SH3BP5: variants seen among roughly 807,000 people sequenced by gnomAD.
The protein encoded by SH3BP5 is SH3 domain-binding protein 5.
In SH3BP5, 22 loss-of-function variants were observed where a neutral mutation model predicts 43.3. The ratio of observed to expected loss-of-function variants is 0.51; its 90% CI spans 0.36 to 0.73. The LOEUF is 0.73. Among genes scored for constraint, SH3BP5 ranks in the 30% least tolerant of loss-of-function variants. SH3BP5 has a pLI of 0.00. For missense variants in SH3BP5, 529 were observed against 586.9 expected (o/e 0.90, Z 1.02); for synonymous variants, 255 against 225.8 (o/e 1.13, Z -1.16).
intron 2 of SH3BP5, among the ~76,000 whole-genome samples, chr3:15,323,632 C>T (rs76046201): frequency 0.14 from 21,533 of 152,136 alleles, 1,781 homozygotes; most frequent in East Asian, 0.32. Flanking sequence ...CCCTAGAAGT[C>T]AGCAGACCTC....
intron 2 of SH3BP5, among the ~76,000 whole-genome samples, chr3:15,328,514 G>A (rs896593710): frequency 6.6e-6 from 1 of 152,082 alleles, no homozygotes; most frequent in Non-Finnish European, 1.5e-5. Context: ...GGATCACTTT[G>A]AGGCCTGGAG....
At chr3:15,271,058 A>G (rs1559431657) in intron 3 of SH3BP5, among the ~76,000 whole-genome samples, 2 of 151,608 alleles carry the variant, frequency 1.3e-5, no homozygotes, top group South Asian at 4.1e-4. Flanking sequence ...TATTTTGGAT[A>G]TATTAAATTA....
At chr3:15,334,750 A>G (rs1698681440), upstream of SH3BP5, among the ~76,000 whole-genome samples, 1 of 152,050 alleles carries the variant, frequency 6.6e-6, no homozygotes, top group Non-Finnish European at 1.5e-5. Flanking sequence ...CAGGAGTTCA[A>G]GACCAGCCTG....
intron 4 of SH3BP5, among the ~76,000 whole-genome samples, chr3:15,268,684 A>G (rs1696710805): frequency 6.6e-6 from 1 of 152,190 alleles, no homozygotes; most frequent in South Asian, 2.1e-4. Flanking sequence ...GGGGTAACCA[A>G]GTACTGCTGA....
At chr3:15,333,826 A>G (rs1276734859), upstream of SH3BP5, among the ~76,000 whole-genome samples, 3 of 152,204 alleles carry the variant, frequency 2.0e-5, no homozygotes, top group South Asian at 2.1e-4. Context: ...TGCTCTTTAA[A>G]TCAAGGATGA....
At chr3:15,283,025 TAAAAGAATAGGG>T (rs2125083327) in intron 3 of SH3BP5, among the ~76,000 whole-genome samples, 1 of 152,296 alleles carries the variant, frequency 6.6e-6, no homozygotes, top group South Asian at 2.1e-4. Flanking sequence ...AAACGCTTAC[TAAAAGAATAGGG>T]AAAACCAAAA....
intron 2 of SH3BP5, among the ~76,000 whole-genome samples, chr3:15,326,856 A>C (rs1698475363): frequency 1.3e-5 from 2 of 152,220 alleles, no homozygotes. Context: ...TGGCTTACAG[A>C]GCAAATACAT....
intron 2 of SH3BP5, among the ~76,000 whole-genome samples, chr3:15,309,910 C>CG (rs1431951094): frequency 1.3e-5 from 2 of 150,494 alleles, no homozygotes; most frequent in African/African-American, 5.0e-5. Flanking sequence ...CGCTCCACCC[C>CG]CCCCCCATAA....
chr3:15,275,095 T>A (rs1696926451), intron 3 of SH3BP5, among the ~76,000 whole-genome samples: 1 of 152,056 alleles, frequency 6.6e-6, no homozygotes, highest in African/African-American at 2.4e-5. Flanking sequence ...CATGAGGAGA[T>A]CAGTGCCCTT....
At chr3:15,256,426 A>G (rs923853067) in intron 8 of SH3BP5, 123 bp from the exon 9 acceptor site, 5 of 1,021,498 alleles carry the variant, frequency 4.9e-6, no homozygotes, top group Admixed American at 2.0e-5. Flanking sequence ...CAAACCAGTC[A>G]GCTAACTCAG....
intron 2 of SH3BP5, among the ~76,000 whole-genome samples, chr3:15,327,605 A>G (rs989777397): frequency 1.3e-5 from 2 of 152,118 alleles, no homozygotes; most frequent in East Asian, 1.9e-4. Flanking sequence ...TACTGTAGCT[A>G]TTACCACCAG....
chr3:15,272,345 A>G (rs377038457), intron 3 of SH3BP5, among the ~76,000 whole-genome samples: 8 of 152,212 alleles, frequency 5.3e-5, no homozygotes, highest in African/African-American at 1.7e-4. Context: ...ACAACGCTGT[A>G]TGTGACAGTG....
intron 3 of SH3BP5, among the ~76,000 whole-genome samples, chr3:15,282,630 CT>C (rs1056337954): frequency 6.6e-6 from 1 of 151,098 alleles, no homozygotes; most frequent in Non-Finnish European, 1.5e-5. Flanking sequence ...CACAATAAAA[CT>C]TTTTTTAAAC....
chr3:15,323,837 T>C (rs1445238120), intron 2 of SH3BP5, among the ~76,000 whole-genome samples: 1 of 152,218 alleles, frequency 6.6e-6, no homozygotes, highest in Admixed American at 6.5e-5. Flanking sequence ...TGGGATTCAA[T>C]GCCAGGCGGT....
intron 1 of SH3BP5, among the ~76,000 whole-genome samples, chr3:15,338,329 A>G (rs1250890993): frequency 6.6e-6 from 1 of 152,220 alleles, no homozygotes; most frequent in Non-Finnish European, 1.5e-5. Flanking sequence ...GACAACAGAT[A>G]GGGACCCTGT....
intron 2 of SH3BP5, among the ~76,000 whole-genome samples, chr3:15,320,723 C>A (rs1043281326): frequency 1.3e-5 from 2 of 151,726 alleles, no homozygotes; most frequent in African/African-American, 4.8e-5. Context: ...TCCACAGGGA[C>A]CACATCTCTG....
chr3:15,308,036 G>A (rs2010266), intron 2 of SH3BP5, among the ~76,000 whole-genome samples: 12,276 of 151,930 alleles, frequency 0.081, 802 homozygotes, highest in African/African-American at 0.19. Context: ...TTCATTTAAA[G>A]AAAAAAAATA....
At position 15,278,825 on chromosome 3, in the gene SH3BP5, C is replaced by T. The variant is rs143296450; in HGVS notation, c.331-8948G>A. Reference sequence around the variant, plus strand: ...ATTTTACTAAATGTAGCTTGTGGCACGGAGTTTTTCATTATTTCTATCAAA... The same window carrying T: ...ATTTTACTAAATGTAGCTTGTGGCATGGAGTTTTTCATTATTTCTATCAAA... On this transcript the variant is annotated intron_variant, in intron 3 of 8. Transcript: ENST00000383791. Among the ~76,000 whole-genome samples, 98 of 152,226 alleles carry T rather than the reference C, an allele frequency of 6.4e-4. 1 individual carries two copies. Among genetic ancestry groups the T allele is most frequent in the African/African-American group, 2.2e-3 (90 of 41,530 alleles).
At chr3:15,313,325 C>G (rs1698106104) in intron 2 of SH3BP5, among the ~76,000 whole-genome samples, 1 of 152,102 alleles carries the variant, frequency 6.6e-6, no homozygotes, top group African/African-American at 2.4e-5. Flanking sequence ...CACATGCAGT[C>G]CTAGGATGTG....
Sources: gnomAD v4.1 joint callset for allele counts (sites outside exome capture counted in the v4.1 genomes callset) on GRCh38, gnomAD v4.1.1 for gene constraint, MANE v1.5 for transcripts, NCBI Gene and HGNC (gene_info 2026-07-23, HGNC 2026-07-21) for gene names.